GRM1: variants seen among roughly 807,000 people sequenced by gnomAD.
GRM1 encodes glutamate metabotropic receptor 1.
Under a neutral mutation model 90.9 loss-of-function variants are expected in GRM1, and 33 were observed. That is an observed-to-expected ratio of 0.36 (90% CI 0.28 to 0.49). The LOEUF is 0.49. Ranked by LOEUF, GRM1 falls within the 20% of genes least tolerant of loss-of-function variation. GRM1 has a pLI of 0.99. For synonymous variants in GRM1, 700 were observed against 613.2 expected, an observed-to-expected ratio of 1.14 and a Z score of -2.09; for missense variants, 1,190 against 1,534.3, an observed-to-expected ratio of 0.78 and a Z score of 3.75.
At chr6:146,383,398 C>T (rs1273880914) in intron 5 of GRM1, among the ~76,000 whole-genome samples, 2 of 152,070 alleles carry the variant, frequency 1.3e-5, no homozygotes, top group Non-Finnish European at 2.9e-5. Context: ...AAGTGACATA[C>T]AATAATTCAT....
chr6:146,239,611 G>A (rs969072138), intron 2 of GRM1, among the ~76,000 whole-genome samples: 1 of 151,954 alleles, frequency 6.6e-6, no homozygotes, highest in African/African-American at 2.4e-5. Flanking sequence ...TTTCTTACTA[G>A]AACCTGAAAG....
Position 146,272,860 on chromosome 6 carries a change from T to A in GRM1, c.951-31751T>A, listed in dbSNP as rs140014792. ...GCAACCATGAATGGAATCCTGGGAG[T>A]GCCTTGTAAAGGAACATAGACATTA... On this transcript the variant is annotated intron_variant, in intron 2 of 7. Coordinates refer to ENST00000282753, the MANE Select transcript of GRM1 (RefSeq NM_001278064.2). 4.8e-3 allele frequency among the ~76,000 whole-genome samples: 733 copies of A among 151,954 alleles called. 7 individuals carry two copies. The highest frequency in any genetic ancestry group is 0.017 in the African/African-American group (685 of 41,432).
intron 2 of GRM1, among the ~76,000 whole-genome samples, chr6:146,177,218 T>C (rs530812225): frequency 2.1e-4 from 32 of 152,208 alleles, no homozygotes; most frequent in African/African-American, 7.7e-4. Flanking sequence ...CAATATATGA[T>C]TTCCTAATCT....
At chr6:146,047,086 G>A (rs1791359723) in intron 1 of GRM1, among the ~76,000 whole-genome samples, 1 of 151,980 alleles carries the variant, frequency 6.6e-6, no homozygotes, top group South Asian at 2.1e-4. Context: ...AATTCATCTG[G>A]AGCAGAAGGT....
intron 1 of GRM1, among the ~76,000 whole-genome samples, chr6:146,098,562 G>A (rs1373863239): frequency 1.3e-5 from 2 of 152,030 alleles, no homozygotes; most frequent in Non-Finnish European, 1.5e-5. Flanking sequence ...ATAGATTATG[G>A]TCAATAAGTT....
intron 2 of GRM1, among the ~76,000 whole-genome samples, chr6:146,259,586 G>C (rs1781606542): frequency 6.6e-6 from 1 of 152,070 alleles, no homozygotes; most frequent in Non-Finnish European, 1.5e-5. Flanking sequence ...ATCTCACTTA[G>C]TATAATGCCC....
intron 2 of GRM1, among the ~76,000 whole-genome samples, chr6:146,211,624 T>C (rs1422406060): frequency 6.6e-6 from 1 of 152,228 alleles, no homozygotes; most frequent in Non-Finnish European, 1.5e-5. Flanking sequence ...TGAAAAAGCA[T>C]CTGTAAATTT....
At chr6:146,417,378 A>G (rs1583469742) in intron 7 of GRM1, among the ~76,000 whole-genome samples, 1 of 152,154 alleles carries the variant, frequency 6.6e-6, no homozygotes, top group Non-Finnish European at 1.5e-5. Flanking sequence ...TCTTATGCCA[A>G]TCTTGATCCC....
At chr6:146,054,517 T>C (rs1294360269) in intron 1 of GRM1, among the ~76,000 whole-genome samples, 1 of 152,092 alleles carries the variant, frequency 6.6e-6, no homozygotes, top group Non-Finnish European at 1.5e-5. Flanking sequence ...TCCAAAATTA[T>C]CTGTCAGCAG....
chr6:146,367,861 A>G (rs1775751630), intron 5 of GRM1, among the ~76,000 whole-genome samples: 1 of 152,128 alleles, frequency 6.6e-6, no homozygotes, highest in African/African-American at 2.4e-5. Context: ...TGTTGTGAAT[A>G]GTGCCATGAT....
intron 7 of GRM1, among the ~76,000 whole-genome samples, chr6:146,429,318 CA>C (rs1395381689): frequency 1.3e-5 from 2 of 152,238 alleles, no homozygotes; most frequent in East Asian, 3.9e-4. Context: ...AGTGGTGAGT[CA>C]AAAAGGCGAG....
intron 3 of GRM1, among the ~76,000 whole-genome samples, chr6:146,328,178 G>A (rs147952895): frequency 1.9e-3 from 292 of 152,298 alleles, no homozygotes; most frequent in African/African-American, 6.7e-3. Flanking sequence ...GGGATTTTCT[G>A]TAATTGCAAT....
At chr6:146,272,801 A>G (rs1000847888) in intron 2 of GRM1, among the ~76,000 whole-genome samples, 7 of 152,190 alleles carry the variant, frequency 4.6e-5, no homozygotes, top group African/African-American at 1.7e-4. Flanking sequence ...TAGTGCCTGT[A>G]GTAAAGCAGG....
chr6:146,423,569 A>T (rs2114666450), intron 7 of GRM1, among the ~76,000 whole-genome samples: 1 of 152,202 alleles, frequency 6.6e-6, no homozygotes, highest in East Asian at 1.9e-4. Context: ...GGAAGGCCTC[A>T]AAGGAACCGC....
rs750530538 is a variant in GRM1 at position 146,434,381 on chromosome 6, G to T, written c.3170G>T (p.Gly1057Val). The T allele has an allele frequency of 5.0e-6, 8 of 1,613,162 alleles. No homozygotes were observed. The African/African-American group carries it at 1.1e-4, about 22-fold the overall frequency. ...CACGCGGTGCTGGCAGGCCCCGGTGGTCCCGGGAACGGGCTGCGGTCCCTG... is the reference window on the plus strand; with the variant it reads ...CACGCGGTGCTGGCAGGCCCCGGTGTTCCCGGGAACGGGCTGCGGTCCCTG... ...DFHAVLAGPG[G>V]PGNGLRSLYP... Residue 1057 changes from glycine to valine, a missense_variant, in exon 8 of 8, where the codon GGT becomes GTT. Physicochemically the swap from Gly to Val is moderately radical, Grantham distance 109. Coordinates refer to ENST00000282753, the MANE Select transcript of GRM1 (RefSeq NM_001278064.2).
intron 1 of GRM1, among the ~76,000 whole-genome samples, chr6:146,140,094 T>TTTCTTTCTTTA (rs1562488115): frequency 5.5e-5 from 4 of 72,748 alleles, no homozygotes; most frequent in East Asian, 7.2e-4. Flanking sequence ...TTCTTTATTC[T>TTTCTTTCTTTA]TTCTTTCTTT....
chr6:146,304,946 T>C (rs1783523169), intron 3 of GRM1, 100 bp downstream of exon 3: 5 of 852,726 alleles, frequency 5.9e-6, no homozygotes, highest in Non-Finnish European at 9.9e-6. Flanking sequence ...GGGCTAGAGA[T>C]CCAAAGACAA....
intron 7 of GRM1, among the ~76,000 whole-genome samples, chr6:146,416,613 T>C (rs1045841289): frequency 2.0e-5 from 3 of 152,182 alleles, no homozygotes; most frequent in African/African-American, 7.2e-5. Flanking sequence ...ATAATCAATA[T>C]CTATGTATCC....
intron 2 of GRM1, among the ~76,000 whole-genome samples, chr6:146,255,797 C>G (rs1477784447): frequency 6.6e-6 from 1 of 152,128 alleles, no homozygotes; most frequent in Admixed American, 6.6e-5. Context: ...TCTTCACACG[C>G]TACATTTTTT....
Sources: allele counts gnomAD v4.1 joint callset (sites outside exome capture counted in the v4.1 genomes callset), GRCh38; gene constraint gnomAD v4.1.1; transcripts MANE v1.5; gene names NCBI Gene and HGNC (gene_info 2026-07-23, HGNC 2026-07-21).